Variants in RNLS observed in about 807,000 individuals in gnomAD.
The protein encoded by RNLS is renalase.
Under a neutral mutation model 39.8 loss-of-function variants are expected in RNLS, and 39 were observed. The ratio of observed to expected loss-of-function variants is 0.98; its 90% CI spans 0.76 to 1.28. The LOEUF is 1.28. Ranked by LOEUF, RNLS falls within the 50% of genes most tolerant of loss-of-function variation. The pLI is 0.00. For synonymous variants in RNLS, 147 were observed against 150.7 expected (o/e 0.98, Z 0.18); for missense variants, 410 against 413.3 (o/e 0.99, Z 0.07).
intron 4 of RNLS, among the ~76,000 whole-genome samples, chr10:88,442,256 T>C (rs896462367): frequency 6.6e-6 from 1 of 152,228 alleles, no homozygotes; most frequent in African/African-American, 2.4e-5. Context: ...AGCTGTGGAA[T>C]ATTTTTCTCT....
chr10:88,444,884 T>C (rs1486817843), intron 4 of RNLS, among the ~76,000 whole-genome samples: 1 of 152,194 alleles, frequency 6.6e-6, no homozygotes, highest in Non-Finnish European at 1.5e-5. Context: ...GGAACCAAGT[T>C]GGAAAACACT....
intron 4 of RNLS, among the ~76,000 whole-genome samples, chr10:88,403,440 T>G (rs570179611): frequency 6.6e-6 from 1 of 152,192 alleles, no homozygotes; most frequent in Non-Finnish European, 1.5e-5. Flanking sequence ...AACAAGTACC[T>G]TTATCTTGGA....
chr10:88,190,922 G>C, the RNLS span, among the ~76,000 whole-genome samples: 4 of 152,216 alleles, frequency 2.6e-5, no homozygotes, highest in African/African-American at 9.6e-5. Context: ...TCCAACGTGG[G>C]TCTTGTCCAG....
chr10:88,558,489 C>T (rs548388690), intron 4 of RNLS, among the ~76,000 whole-genome samples: 1 of 152,190 alleles, frequency 6.6e-6, no homozygotes, highest in African/African-American at 2.4e-5. Context: ...CTAATTAGTT[C>T]CCCAGAGGGA....
At chr10:88,417,687 T>C (rs1364366339) in intron 4 of RNLS, among the ~76,000 whole-genome samples, 1 of 152,198 alleles carries the variant, frequency 6.6e-6, no homozygotes, top group Non-Finnish European at 1.5e-5. Flanking sequence ...ATTATGACAA[T>C]GCCAAGGACT....
the RNLS span, among the ~76,000 whole-genome samples, chr10:88,245,358 G>A: frequency 6.6e-6 from 1 of 152,208 alleles, no homozygotes; most frequent in South Asian, 2.1e-4. Context: ...CTGGCAGGGA[G>A]AGGAGAGCTA....
At chr10:88,364,852 T>C (rs1589656677) in intron 4 of RNLS, among the ~76,000 whole-genome samples, 1 of 152,004 alleles carries the variant, frequency 6.6e-6, no homozygotes, top group African/African-American at 2.4e-5. Context: ...AGGGAGGAGG[T>C]GAAACATTAA....
At chr10:88,225,443 G>A in the RNLS span, among the ~76,000 whole-genome samples, 1 of 152,166 alleles carries the variant, frequency 6.6e-6, no homozygotes, top group South Asian at 2.1e-4. Context: ...AGCTGGGTGC[G>A]GTAGCTTACA....
the RNLS span, among the ~76,000 whole-genome samples, chr10:88,172,468 T>C: frequency 6.6e-6 from 1 of 152,232 alleles, no homozygotes; most frequent in Non-Finnish European, 1.5e-5. Context: ...TGGCAATTTG[T>C]ATATTTTCAT....
intron 4 of RNLS, among the ~76,000 whole-genome samples, chr10:88,552,135 T>A (rs1354687048): frequency 6.6e-6 from 1 of 152,156 alleles, no homozygotes; most frequent in Non-Finnish European, 1.5e-5. Context: ...GTAGGACTTA[T>A]CACTTCATTA....
chr10:88,337,343 TG>T (rs542720791), intron 5 of RNLS, among the ~76,000 whole-genome samples: 70 of 152,256 alleles, frequency 4.6e-4, no homozygotes, highest in Non-Finnish European at 9.4e-4. Context: ...CTACCTCTTT[TG>T]GGGGAACATT....
chr10:88,248,624 G>A, the RNLS span, among the ~76,000 whole-genome samples: 1 of 152,058 alleles, frequency 6.6e-6, no homozygotes, highest in South Asian at 2.1e-4. Context: ...TCCAAGTTCT[G>A]GGCAAAAATG....
intron 4 of RNLS, among the ~76,000 whole-genome samples, chr10:88,519,693 G>C (rs1019820147): frequency 2.7e-5 from 4 of 149,192 alleles, no homozygotes; most frequent in Non-Finnish European, 5.9e-5. Flanking sequence ...CAGCTACATA[G>C]ATATATATCT....
At chr10:88,468,156 C>G (rs747709215) in intron 4 of RNLS, among the ~76,000 whole-genome samples, 2 of 152,128 alleles carry the variant, frequency 1.3e-5, no homozygotes, top group Admixed American at 1.3e-4. Context: ...GCTTTAACCT[C>G]CTTAGAGAGC....
chr10:88,465,889 G>C (rs1411987603), intron 4 of RNLS, among the ~76,000 whole-genome samples: 2 of 151,988 alleles, frequency 1.3e-5, no homozygotes, highest in African/African-American at 4.8e-5. Flanking sequence ...ACTTGTGTAA[G>C]GTATTTTGGG....
At chr10:88,474,005 T>C (rs1843679131) in intron 4 of RNLS, among the ~76,000 whole-genome samples, 1 of 152,156 alleles carries the variant, frequency 6.6e-6, no homozygotes, top group Non-Finnish European at 1.5e-5. Context: ...AATTTTAGCA[T>C]CCTTGTGAAA....
At chr10:88,516,608 C>A (rs1040512007) in intron 4 of RNLS, among the ~76,000 whole-genome samples, 9 of 151,968 alleles carry the variant, frequency 5.9e-5, no homozygotes, top group Non-Finnish European at 8.8e-5. Context: ...CCTAAAATTT[C>A]TAGTCCATCT....
At chr10:88,399,856 T>TAA (rs937677175) in intron 4 of RNLS, among the ~76,000 whole-genome samples, 15 of 152,200 alleles carry the variant, frequency 9.9e-5, no homozygotes, top group African/African-American at 3.4e-4. Flanking sequence ...CTGGAGTCTA[T>TAA]AAGTCAGCAG....
At chr10:88,313,824 A>G (rs1386904291) in intron 6 of RNLS, among the ~76,000 whole-genome samples, 1 of 152,190 alleles carries the variant, frequency 6.6e-6, no homozygotes, top group Admixed American at 6.5e-5. Flanking sequence ...GACTTTTTCT[A>G]TGAATACTCA....
Sources: allele counts gnomAD v4.1 joint callset (sites outside exome capture counted in the v4.1 genomes callset), GRCh38; gene constraint gnomAD v4.1.1; transcripts MANE v1.5; gene names NCBI Gene and HGNC (gene_info 2026-07-23, HGNC 2026-07-21).